The following LSAMP variants were observed in gnomAD, a reference collection of about 807,000 sequenced individuals.
LSAMP encodes limbic system associated membrane protein.
LSAMP carries 7 observed loss-of-function variants against 38.6 expected under a neutral mutation model. The observed-to-expected ratio is 0.18, with a 90% CI of 0.10 to 0.34. The LOEUF is 0.34. Among genes scored for constraint, LSAMP ranks in the 10% least tolerant of loss-of-function variants. LSAMP has a pLI of 1.00. For synonymous variants in LSAMP, 154 were observed against 166.8 expected (o/e 0.92, Z 0.59); for missense variants, 313 against 420.0 (o/e 0.75, Z 2.23).
intron 3 of LSAMP, among the ~76,000 whole-genome samples, chr3:115,919,138 C>T (rs188681670): frequency 1.3e-5 from 2 of 152,306 alleles, no homozygotes; most frequent in East Asian, 1.9e-4. Flanking sequence ...CCACTCCTCA[C>T]CCCCACTGTC....
intron 3 of LSAMP, among the ~76,000 whole-genome samples, chr3:115,883,351 C>T (rs1239932655): frequency 6.6e-6 from 1 of 151,924 alleles, no homozygotes; most frequent in Non-Finnish European, 1.5e-5. Context: ...TGATTGGGAA[C>T]AGAGAGTGAG....
intron 1 of LSAMP, among the ~76,000 whole-genome samples, chr3:116,142,152 AT>A (rs1050908597): frequency 3.3e-5 from 5 of 151,942 alleles, no homozygotes; most frequent in Non-Finnish European, 5.9e-5. Context: ...GAAGTAGTTT[AT>A]TTTTTTGGAC....
Position 116,090,847 on chromosome 3 carries a change from A to G in LSAMP, c.156-4291T>C, listed in dbSNP as rs191701988. Among the ~76,000 whole-genome samples, 42 of 152,324 alleles carry G rather than the reference A, an allele frequency of 2.8e-4. No individual in the cohort carries two copies. The East Asian group carries it at 8.1e-3, about 29-fold the overall frequency. ...GTACTTAACAGAGTAATAGAATATC[A>G]TAAGGCAAGTGGAGGCAGGGCGAGA... On this transcript the variant is annotated intron_variant, in intron 1 of 6. Coordinates refer to ENST00000490035, the MANE Select transcript of LSAMP (RefSeq NM_002338.5).
rs1349941082 is a variant in LSAMP, at chr3:115,807,625, A to G, written c.*2692T>C. 1.3e-5 allele frequency: 2 copies of G among 152,254 alleles called. No homozygotes were observed. The highest frequency in any genetic ancestry group is 2.9e-5 in the Non-Finnish European group (2 of 68,020). 9.4% of individuals were successfully genotyped at this position (152,254 alleles called of 1,614,324 possible). A position where few individuals can be genotyped will look rare whatever the true frequency, so the allele number is the denominator to read the frequency against. On this transcript the variant is annotated 3_prime_UTR_variant, in exon 7 of 7. Coordinates refer to ENST00000490035, the MANE Select transcript of LSAMP (RefSeq NM_002338.5). ...ATACTAACATCCAACTTCTAACAACATCCAACTTAACTCCTACTTTTCTCT... is the reference window on the plus strand; with the variant it reads ...ATACTAACATCCAACTTCTAACAACGTCCAACTTAACTCCTACTTTTCTCT...
intron 1 of LSAMP, among the ~76,000 whole-genome samples, chr3:116,389,907 GC>G (rs2048670308): frequency 6.6e-6 from 1 of 152,098 alleles, no homozygotes; most frequent in Non-Finnish European, 1.5e-5. Flanking sequence ...GAAGATTTTA[GC>G]CCAAGGAATG....
chr3:115,913,413 G>T lies in LSAMP; in HGVS notation c.515-60796C>A, dbSNP rs16824263. The stretch of plus-strand genomic sequence containing the variant: ...GACAAAGCCATGGTCTTTTTGACCT[G>T]CAAGCTTCTGACAGGCTACAAATAT... On this transcript the variant is annotated intron_variant, in intron 3 of 6. Coordinates refer to ENST00000490035, the MANE Select transcript of LSAMP (RefSeq NM_002338.5). Among the ~76,000 whole-genome samples, 1,342 of 152,286 alleles carry T rather than the reference G, an allele frequency of 8.8e-3. 72 individuals carry two copies. The highest frequency in any genetic ancestry group is 0.083 in the Admixed American group (1,270 of 15,298).
rs773640555 is a variant in LSAMP at position 115,852,626 on chromosome 3, CAG to C, written c.515-11_515-10del. On this transcript the variant is annotated splice_polypyrimidine_tract_variant and intron_variant, in intron 3 of 6. Coordinates refer to ENST00000490035, the MANE Select transcript of LSAMP (RefSeq NM_002338.5). ...TCCTTCAAATTCCCTTCCTGAAAAA[CAG>C]AGGTTTTCATGATTCTTTTTTAAAG... is the stretch of plus-strand genomic sequence containing the variant. 5.6e-6 allele frequency: 9 copies of C among 1,607,700 alleles called. No homozygotes were observed. The South Asian group carries it at 8.9e-5, about 16-fold the overall frequency.
At chr3:115,828,511 CAT>C (rs1389671395) in intron 6 of LSAMP, among the ~76,000 whole-genome samples, 1 of 152,208 alleles carries the variant, frequency 6.6e-6, no homozygotes, top group Non-Finnish European at 1.5e-5. Flanking sequence ...TTAACTGGCA[CAT>C]GAGGCAGACT....
intron 1 of LSAMP, among the ~76,000 whole-genome samples, chr3:116,407,250 T>A (rs568524829): frequency 1.3e-5 from 2 of 152,148 alleles, no homozygotes; most frequent in Admixed American, 6.6e-5. Context: ...CAAACATGCA[T>A]CCATCAAACA....
intron 1 of LSAMP, among the ~76,000 whole-genome samples, chr3:116,203,106 T>A (rs905701465): frequency 2.0e-5 from 3 of 152,242 alleles, no homozygotes; most frequent in African/African-American, 4.8e-5. Context: ...CTTTCCAATC[T>A]TCATGTCTTT....
chr3:115,981,490 T>C (rs999115927), intron 3 of LSAMP, among the ~76,000 whole-genome samples: 1 of 152,204 alleles, frequency 6.6e-6, no homozygotes, highest in Non-Finnish European at 1.5e-5. Context: ...ACCTTGTATT[T>C]TTTATAGAAA....
chr3:116,254,767 AT>A (rs1316600907), intron 1 of LSAMP, among the ~76,000 whole-genome samples: 1 of 152,162 alleles, frequency 6.6e-6, no homozygotes, highest in Non-Finnish European at 1.5e-5. Context: ...GGTTGACAGT[AT>A]TTCCCAGAAT....
chr3:116,206,376 T>G (rs1374651259), intron 1 of LSAMP, among the ~76,000 whole-genome samples: 2 of 151,480 alleles, frequency 1.3e-5, no homozygotes, highest in Non-Finnish European at 2.9e-5. Context: ...ATTAATTTTT[T>G]GAAGGGTTTT....
intron 1 of LSAMP, among the ~76,000 whole-genome samples, chr3:116,327,730 T>C (rs890608064): frequency 1.3e-5 from 2 of 152,182 alleles, no homozygotes; most frequent in Non-Finnish European, 2.9e-5. Context: ...CATCTTATTA[T>C]GTGTTTTACT....
intron 1 of LSAMP, among the ~76,000 whole-genome samples, chr3:116,131,795 T>C (rs1310427625): frequency 2.0e-5 from 3 of 151,728 alleles, no homozygotes; most frequent in Non-Finnish European, 2.9e-5. Flanking sequence ...AGAGACTGAG[T>C]CCTATAACAG....
intron 1 of LSAMP, among the ~76,000 whole-genome samples, chr3:116,383,653 G>A (rs1047747867): frequency 3.3e-5 from 5 of 151,756 alleles, no homozygotes; most frequent in Admixed American, 6.6e-5. Context: ...GAAAACGAAC[G>A]AAAAATGAAG....
chr3:116,024,496 GTC>G (rs1940731788), intron 2 of LSAMP, among the ~76,000 whole-genome samples: 2 of 152,168 alleles, frequency 1.3e-5, no homozygotes. Flanking sequence ...GCAGAGGAGT[GTC>G]TGTATATTTC....
At chr3:116,236,366 T>C (rs1231940362) in intron 1 of LSAMP, among the ~76,000 whole-genome samples, 1 of 151,858 alleles carries the variant, frequency 6.6e-6, no homozygotes, top group African/African-American at 2.4e-5. Context: ...TATAGAGAGG[T>C]TCAACTATAA....
At chr3:116,333,261 C>T (rs1295676822) in intron 1 of LSAMP, among the ~76,000 whole-genome samples, 2 of 151,970 alleles carry the variant, frequency 1.3e-5, no homozygotes, top group African/African-American at 4.8e-5. Context: ...AGAAAATAGG[C>T]CGGGTGTGGT....
Sources: allele counts gnomAD v4.1 joint callset (sites outside exome capture counted in the v4.1 genomes callset), GRCh38; gene constraint gnomAD v4.1.1; transcripts MANE v1.5; gene names NCBI Gene and HGNC (gene_info 2026-07-23, HGNC 2026-07-21).